Variants in TMEM40 observed in about 807,000 individuals in gnomAD.
The protein encoded by TMEM40 is transmembrane protein 40.
TMEM40 carries 34 observed loss-of-function variants against 40.8 expected under a neutral mutation model. That is an observed-to-expected ratio of 0.83 (90% CI 0.63 to 1.11). TMEM40 has a LOEUF of 1.11. Among genes scored for constraint, TMEM40 ranks in the 50% least tolerant of loss-of-function variants. The probability of loss-of-function intolerance (pLI) is 0.00; values close to 1 mark genes in which losing one functional copy is unlikely to be tolerated. For missense variants in TMEM40, 296 were observed against 280.2 expected (o/e 1.06, Z -0.40); for synonymous variants, 106 against 107.0 (o/e 0.99, Z 0.06).
At chr3:12,743,663 C>T (rs550133368) in intron 4 of TMEM40, among the ~76,000 whole-genome samples, 6 of 152,168 alleles carry the variant, frequency 3.9e-5, no homozygotes, top group South Asian at 4.2e-4. Context: ...AAAGCATAAA[C>T]GAGATCAAAT....
At position 12,756,863 on chromosome 3, in the gene TMEM40, C is replaced by G. The variant is rs530660905; in HGVS notation, c.-9+2328G>C. ...CACACACCACACATATACACACTCTCTCTCTCACACACACACATACACACA... is the reference window on the plus strand; with the variant it reads ...CACACACCACACATATACACACTCTGTCTCTCACACACACACATACACACA... On this transcript the variant is annotated intron_variant, in intron 1 of 11. Coordinates refer to ENST00000314124, the MANE Select transcript of TMEM40 (RefSeq NM_018306.4). 4.7e-4 allele frequency among the ~76,000 whole-genome samples: 72 copies of G among 151,884 alleles called. 1 individual carries two copies. Among genetic ancestry groups the G allele is most frequent in the Non-Finnish European group, 8.2e-4 (56 of 67,958 alleles).
intron 8 of TMEM40, chr3:12,737,392 CAAGACCTG>C: frequency 5.0e-6 from 2 of 403,436 alleles, no homozygotes; most frequent in Non-Finnish European, 4.4e-6. Context: ...ATCCTGGCCA[CAAGACCTG>C]GAAGGTATTT....
In TMEM40 at chr3:12,733,671, G is replaced by A. The variant is rs1415219866; in HGVS notation, c.*1103C>T. 6.6e-6 allele frequency: 1 copy of A among 152,068 alleles called. No individual in the cohort carries two copies. Among genetic ancestry groups the A allele is most frequent in the Non-Finnish European group, 1.5e-5 (1 of 68,026 alleles). The allele number at this position is 152,068 out of a possible 1,614,324, so 9.4% of individuals were successfully genotyped here. A position where few individuals can be genotyped will look rare whatever the true frequency, so the allele number is the denominator to read the frequency against. On this transcript the variant is annotated 3_prime_UTR_variant, in exon 12 of 12. Transcript: ENST00000314124. Reference sequence around the variant, plus strand: ...TCTGAGTTTTGAGAACAGCATGTCTGTGACCATCAAGAACTCAGTTCAAGT... The same window carrying A: ...TCTGAGTTTTGAGAACAGCATGTCTATGACCATCAAGAACTCAGTTCAAGT...
At chr3:12,766,769 A>G (rs906114487) in intron 1 of TMEM40, among the ~76,000 whole-genome samples, 1 of 152,186 alleles carries the variant, frequency 6.6e-6, no homozygotes, top group Non-Finnish European at 1.5e-5. Context: ...TCTTGAGGAC[A>G]GTTCACAGAT....
chr3:12,766,913 G>T (rs1322621678), intron 1 of TMEM40, among the ~76,000 whole-genome samples: 1 of 152,124 alleles, frequency 6.6e-6, no homozygotes. Flanking sequence ...TGGAACGAGA[G>T]ATCTTCCCTT....
intron 1 of TMEM40, among the ~76,000 whole-genome samples, chr3:12,758,418 G>C (rs777574182): frequency 2.6e-5 from 4 of 152,140 alleles, no homozygotes; most frequent in Non-Finnish European, 5.9e-5. Context: ...AGGAAACTAG[G>C]TTGGCTTGAG....
Position 12,738,122 on chromosome 3 carries a change from G to A in TMEM40, c.424+14C>T. 4 of 1,613,706 alleles carry A rather than the reference G, an allele frequency of 2.5e-6. No homozygotes were observed. Among genetic ancestry groups the A allele is most frequent in the South Asian group, 1.1e-5 (1 of 90,934 alleles). ...CACCCGCTCTGGCTCTCCTATTTGAGCTTGTGTATTTACCACTTGCTGGGT... is the reference window on the plus strand; with the variant it reads ...CACCCGCTCTGGCTCTCCTATTTGAACTTGTGTATTTACCACTTGCTGGGT... On this transcript the variant is annotated intron_variant, in intron 7 of 11. Transcript: ENST00000314124.
In TMEM40 at chr3:12,740,546, C is replaced by CAA. The variant is rs780832284; in HGVS notation, c.355+1906_355+1907dup. ...GAAACCCCATCTCTACTAAAAATACCAAAAAAAAAAAAAAAAAGCTTTCTG... is the reference window on the plus strand; with the variant it reads ...GAAACCCCATCTCTACTAAAAATACCAAAAAAAAAAAAAAAAAAAGCTTTCTG... On this transcript the variant is annotated intron_variant, in intron 5 of 11. Coordinates refer to ENST00000314124, the MANE Select transcript of TMEM40 (RefSeq NM_018306.4). 4.9e-3 allele frequency among the ~76,000 whole-genome samples: 233 copies of CAA among 47,508 alleles called. 1 individual carries two copies. The highest frequency in any genetic ancestry group is 0.011 in the African/African-American group (205 of 18,100). The allele number at this position is 47,508 out of a possible 152,430, so 31.2% of individuals were successfully genotyped here.
intron 2 of TMEM40, among the ~76,000 whole-genome samples, 169 bp downstream of exon 2, chr3:12,749,591 A>G (rs984785626): frequency 6.6e-6 from 1 of 152,160 alleles, no homozygotes; most frequent in Non-Finnish European, 1.5e-5. Flanking sequence ...GACAGATTGG[A>G]CCATGCAAAT....
chr3:12,768,835 G>A (rs1467414186), intron 1 of TMEM40, among the ~76,000 whole-genome samples: 1 of 151,190 alleles, frequency 6.6e-6, no homozygotes, highest in Non-Finnish European at 1.5e-5. Flanking sequence ...CGGGCGCCGT[G>A]GAGCAGGGGG....
chr3:12,734,992 C>T (rs895118694), intron 11 of TMEM40, among the ~76,000 whole-genome samples, 199 bp from the exon 12 acceptor site: 3 of 152,312 alleles, frequency 2.0e-5, no homozygotes, highest in African/African-American at 7.2e-5. Context: ...ACAGATATTT[C>T]CCCAGCACAG....
In TMEM40 at chr3:12,755,213, T is replaced by TTCTC. The variant is rs754041538; in HGVS notation, c.-9+3974_-9+3977dup. On this transcript the variant is annotated intron_variant, in intron 1 of 11. Coordinates refer to ENST00000314124, the MANE Select transcript of TMEM40 (RefSeq NM_018306.4). The stretch of plus-strand genomic sequence containing the variant: ...TTCCTTCCTTCCTTTCTTTCTTTCT[T>TTCTC]TCTCTCTCTCTCTCTCTCTCTCTTT... 9.0e-3 allele frequency among the ~76,000 whole-genome samples: 844 copies of TTCTC among 94,184 alleles called. 23 individuals are homozygous for TTCTC. The highest frequency in any genetic ancestry group is 0.03 in the Middle Eastern group (6 of 200). The allele number at this position is 94,184 out of a possible 152,430, so 61.8% of individuals were successfully genotyped here. A position where few individuals can be genotyped will look rare whatever the true frequency, so the allele number is the denominator to read the frequency against.
intron 1 of TMEM40, among the ~76,000 whole-genome samples, chr3:12,766,699 G>C (rs1282505114): frequency 5.3e-5 from 8 of 152,132 alleles, no homozygotes; most frequent in Admixed American, 5.2e-4. Context: ...CTCTGACACT[G>C]CTGAACAGTC....
chr3:12,736,165 T>C (rs1197226816), intron 10 of TMEM40, among the ~76,000 whole-genome samples: 1 of 151,860 alleles, frequency 6.6e-6, no homozygotes, highest in Non-Finnish European at 1.5e-5. Flanking sequence ...TTTTTTTTTT[T>C]TGAGACAGAG....
chr3:12,738,693 T>C, intron 5 of TMEM40, 105 bp from the exon 6 acceptor site: 2 of 1,287,456 alleles, frequency 1.6e-6, no homozygotes, highest in Non-Finnish European at 2.2e-6. Flanking sequence ...CCACTTAATC[T>C]GGAGTCGGCC....
At chr3:12,762,926 G>T (rs2061579090), upstream of TMEM40, among the ~76,000 whole-genome samples, 1 of 152,164 alleles carries the variant, frequency 6.6e-6, no homozygotes, top group African/African-American at 2.4e-5. Context: ...CACTTTGGGA[G>T]GCTGAGGTGG....
chr3:12,762,421 G>T (rs1356226231), upstream of TMEM40, among the ~76,000 whole-genome samples: 1 of 152,228 alleles, frequency 6.6e-6, no homozygotes, highest in African/African-American at 2.4e-5. Context: ...AGAGGCTGGA[G>T]TACTGTGAGG....
chr3:12,737,728 T>G lies in TMEM40; in HGVS notation c.451A>C (p.Arg151=). The G allele has an allele frequency of 3.7e-6, 6 of 1,614,124 alleles. No individual in the cohort carries two copies. Among genetic ancestry groups the G allele is most frequent in the Non-Finnish European group, 5.1e-6 (6 of 1,179,990 alleles). ...SGEVEASQLR[R]LNIKKDDEFF... ...TTACCATCTTTCTTTATATTCAGTC[T>G]TCTTAACTGAGAGGCCTCCACTTCT... Residue 151 remains arginine (R), a synonymous_variant, in exon 8 of 12, where the codon AGA becomes CGA. Coordinates refer to ENST00000314124, the MANE Select transcript of TMEM40 (RefSeq NM_018306.4).
rs1470355082 is a variant in TMEM40, at chr3:12,736,834, A to G, written c.474T>C (p.Asp158=). The change falls in exon 9 of 12, where the codon GAT becomes GAC. Residue 158 remains aspartate, a splice_region_variant and synonymous_variant. Transcript: ENST00000314124. ...ACAGGAGGACGAAATGGAAAAACTC[A>G]TCTGTGAAGGCAGGGGTGGGCAATC... The part of the protein sequence containing the change: ...QLRRLNIKKD[D]EFFHFVLLCF... 4 of 1,614,080 alleles carry G rather than the reference A, an allele frequency of 2.5e-6. No individual in the cohort carries two copies. The highest frequency in any genetic ancestry group is 3.4e-6 in the Non-Finnish European group (4 of 1,179,990).
Sources: gnomAD v4.1 joint callset for allele counts (sites outside exome capture counted in the v4.1 genomes callset) on GRCh38, gnomAD v4.1.1 for gene constraint, MANE v1.5 for transcripts, NCBI Gene and HGNC (gene_info 2026-07-23, HGNC 2026-07-21) for gene names.